Variants in SLC25A48 observed in about 807,000 individuals in gnomAD.
The protein encoded by SLC25A48 is CTC-321K16.1.
A neutral mutation model predicts 32.2 loss-of-function variants in SLC25A48; 29 were observed. That is an observed-to-expected ratio of 0.90 (90% confidence interval 0.67 to 1.23). SLC25A48 has a LOEUF of 1.23. SLC25A48 is among the 50% of genes most tolerant of loss of function. The pLI, the probability that SLC25A48 is intolerant of heterozygous loss-of-function variation, is 0.00. For missense variants in SLC25A48, 399 were observed against 422.7 expected (o/e 0.94, Z 0.49); for synonymous variants, 164 against 172.3 (o/e 0.95, Z 0.38).
chr5:135,883,264 G>A, intron 7 of SLC25A48: 2 of 985,430 alleles, frequency 2.0e-6, no homozygotes, highest in Non-Finnish European at 2.4e-6. Flanking sequence ...GGATTCAACT[G>A]ACCATTGGTC....
At chr5:135,630,809 C>T (rs559179767) in intron 2 of SLC25A48, among the ~76,000 whole-genome samples, 1 of 151,974 alleles carries the variant, frequency 6.6e-6, no homozygotes, top group Non-Finnish European at 1.5e-5. Flanking sequence ...ACCATGTTGG[C>T]CAGGCTGGTC....
At chr5:135,767,003 A>G in intron 3 of SLC25A48, among the ~76,000 whole-genome samples, 1 of 151,628 alleles carries the variant, frequency 6.6e-6, no homozygotes, top group East Asian at 1.9e-4. Flanking sequence ...AGGGGAAAAG[A>G]GGGTGATATT....
chr5:135,791,100 G>C (rs1757018852), intron 3 of SLC25A48, among the ~76,000 whole-genome samples: 1 of 151,720 alleles, frequency 6.6e-6, no homozygotes, highest in African/African-American at 2.4e-5. Flanking sequence ...TATCACAGTG[G>C]TTGTACAGCC....
At chr5:135,871,135 A>C (rs918232495) in intron 4 of SLC25A48, among the ~76,000 whole-genome samples, 6 of 151,510 alleles carry the variant, frequency 4.0e-5, no homozygotes, top group African/African-American at 1.5e-4. Context: ...TCTAGCTTCA[A>C]AGAAGAGCTT....
chr5:135,632,195 G>A (rs1752591582), intron 2 of SLC25A48, among the ~76,000 whole-genome samples: 1 of 152,248 alleles, frequency 6.6e-6, no homozygotes, highest in South Asian at 2.1e-4. Context: ...CTGTACTACA[G>A]TGCGTAGGCT....
At chr5:135,818,101 C>G (rs946033781) in intron 4 of SLC25A48, among the ~76,000 whole-genome samples, 22 of 131,012 alleles carry the variant, frequency 1.7e-4, no homozygotes, top group Non-Finnish European at 2.1e-4. Flanking sequence ...CTCTCTCTCT[C>G]TCTCTCTCTC....
At chr5:135,761,027 T>C (rs1436026452) in intron 3 of SLC25A48, among the ~76,000 whole-genome samples, 1 of 152,168 alleles carries the variant, frequency 6.6e-6, no homozygotes, top group Non-Finnish European at 1.5e-5. Context: ...TGACCAGGCA[T>C]GGTGGCTCAT....
At chr5:135,663,595 T>C (rs575168886) in intron 3 of SLC25A48, among the ~76,000 whole-genome samples, 1 of 152,322 alleles carries the variant, frequency 6.6e-6, no homozygotes, top group Admixed American at 6.5e-5. Flanking sequence ...AAAAAGCAAA[T>C]TACAGAAAAG....
intron 1 of SLC25A48, among the ~76,000 whole-genome samples, chr5:135,615,062 C>T (rs369493443): frequency 6.6e-6 from 1 of 152,202 alleles, no homozygotes; most frequent in Non-Finnish European, 1.5e-5. Context: ...CCAACTAAAC[C>T]TCTTTTCTTT....
At chr5:135,627,793 A>T (rs1554117052) in intron 1 of SLC25A48, among the ~76,000 whole-genome samples, 1 of 152,112 alleles carries the variant, frequency 6.6e-6, no homozygotes, top group Non-Finnish European at 1.5e-5. Flanking sequence ...GGAGGGCATC[A>T]TGAATGCCCT....
intron 6 of SLC25A48, chr5:135,875,602 C>T (rs530702634): frequency 2.6e-5 from 4 of 152,264 alleles, no homozygotes; most frequent in Non-Finnish European, 5.9e-5. Context: ...GGAAAAATGC[C>T]TAAGGGCTTT....
intron 1 of SLC25A48, among the ~76,000 whole-genome samples, chr5:135,586,776 G>T (rs1050702328): frequency 6.6e-6 from 1 of 152,142 alleles, no homozygotes; most frequent in Admixed American, 6.5e-5. Context: ...GGAGGGAAGG[G>T]TGATTAGGCT....
At chr5:135,637,891 T>C (rs1752742494) in intron 3 of SLC25A48, among the ~76,000 whole-genome samples, 2 of 152,202 alleles carry the variant, frequency 1.3e-5, no homozygotes, top group Admixed American at 6.5e-5. Context: ...GTACTTTGAT[T>C]CCTGGCATCA....
chr5:135,861,043 C>T (rs997701923), intron 4 of SLC25A48, among the ~76,000 whole-genome samples: 3 of 152,140 alleles, frequency 2.0e-5, no homozygotes, highest in Non-Finnish European at 4.4e-5. Context: ...AATCTACAAG[C>T]TACAGAACAT....
At chr5:135,728,222 C>T (rs1383714294) in intron 3 of SLC25A48, among the ~76,000 whole-genome samples, 2 of 148,574 alleles carry the variant, frequency 1.3e-5, no homozygotes, top group African/African-American at 5.0e-5. Flanking sequence ...CGCCACTGCA[C>T]TCCAGCGTGG....
chr5:135,859,589 A>C (rs952799127), intron 4 of SLC25A48, among the ~76,000 whole-genome samples: 1 of 152,222 alleles, frequency 6.6e-6, no homozygotes, highest in African/African-American at 2.4e-5. Flanking sequence ...AATCAATCTC[A>C]TAGGAGGCTT....
intron 3 of SLC25A48, among the ~76,000 whole-genome samples, chr5:135,774,699 A>G (rs946705988): frequency 5.3e-5 from 8 of 151,412 alleles, no homozygotes; most frequent in Non-Finnish European, 1.2e-4. Context: ...TTCCCAATAT[A>G]AGGGGGTAAG....
chr5:135,585,451 C>T (rs1006954030), intron 1 of SLC25A48, among the ~76,000 whole-genome samples: 4 of 152,174 alleles, frequency 2.6e-5, no homozygotes, highest in Admixed American at 6.5e-5. Flanking sequence ...CCGCGTGGCT[C>T]GTAGACCTTG....
chr5:135,600,539 T>C (rs1751770563), intron 1 of SLC25A48, among the ~76,000 whole-genome samples: 1 of 152,190 alleles, frequency 6.6e-6, no homozygotes, highest in South Asian at 2.1e-4. Flanking sequence ...CCTTTTGTAG[T>C]GTTCACTTCT....
Sources: gnomAD v4.1 joint callset for allele counts (sites outside exome capture counted in the v4.1 genomes callset) on GRCh38, gnomAD v4.1.1 for gene constraint, MANE v1.5 for transcripts, NCBI Gene and HGNC (gene_info 2026-07-23, HGNC 2026-07-21) for gene names.